Variants in WWOX observed in about 807,000 individuals in gnomAD.
WWOX encodes the protein WW domain-containing oxidoreductase.
Under a neutral mutation model 46.2 loss-of-function variants are expected in WWOX, and 69 were observed. The ratio of observed to expected loss-of-function variants is 1.49; its 90% CI spans 1.23 to 1.82. The LOEUF is 1.82. Ranked by LOEUF, WWOX falls within the 40% of genes most tolerant of loss-of-function variation. The pLI, the probability that WWOX is intolerant of heterozygous loss-of-function variation, is 0.00. For missense variants in WWOX, 919 were observed against 542.6 expected (o/e 1.69, Z -6.89); for synonymous variants, 359 against 202.6 (o/e 1.77, Z -6.56).
chr16:78,672,033 A>C (rs2047476972), intron 8 of WWOX, among the ~76,000 whole-genome samples: 1 of 152,202 alleles, frequency 6.6e-6, no homozygotes, highest in Non-Finnish European at 1.5e-5. Context: ...TTAAGAGTTA[A>C]GTATCACTTT....
intron 8 of WWOX, among the ~76,000 whole-genome samples, chr16:78,974,702 A>G (rs559459332): frequency 6.6e-6 from 1 of 152,194 alleles, no homozygotes; most frequent in Non-Finnish European, 1.5e-5. Flanking sequence ...AATGGTGTTT[A>G]CAGAGTTGCC....
intron 8 of WWOX, among the ~76,000 whole-genome samples, chr16:78,824,159 T>A (rs978160149): frequency 2.0e-5 from 3 of 152,340 alleles, no homozygotes; most frequent in African/African-American, 7.2e-5. Flanking sequence ...TTTTAAACGA[T>A]CTTTAGAAAT....
At chr16:78,713,221 C>G (rs2048481302) in intron 8 of WWOX, among the ~76,000 whole-genome samples, 2 of 129,590 alleles carry the variant, frequency 1.5e-5, no homozygotes, top group African/African-American at 6.1e-5. Flanking sequence ...CTGCAGTGAG[C>G]TGTGATTGTG....
intron 8 of WWOX, chr16:79,202,665 G>C (rs2051381682): frequency 6.6e-6 from 1 of 152,194 alleles, no homozygotes; most frequent in African/African-American, 2.4e-5. Flanking sequence ...TAAAGAGTTT[G>C]AGAGAGTTTT....
intron 5 of WWOX, among the ~76,000 whole-genome samples, chr16:78,319,347 C>G (rs756292839): frequency 2.5e-4 from 38 of 152,136 alleles, no homozygotes; most frequent in Admixed American, 1.3e-4. Flanking sequence ...TGCAGTGGCG[C>G]TATCATGGCT....
chr16:78,778,230 A>C (rs746041874), intron 8 of WWOX, among the ~76,000 whole-genome samples: 14 of 152,040 alleles, frequency 9.2e-5, no homozygotes, highest in Non-Finnish European at 2.1e-4. Context: ...TATTTCTTGA[A>C]TAACCTCCCA....
At chr16:78,305,924 G>C (rs1250636570) in intron 5 of WWOX, among the ~76,000 whole-genome samples, 1 of 151,772 alleles carries the variant, frequency 6.6e-6, no homozygotes, top group Non-Finnish European at 1.5e-5. Flanking sequence ...TCTTTTTTGA[G>C]TGAAGTGGTC....
At chr16:79,192,152 T>C (rs562747806) in intron 8 of WWOX, among the ~76,000 whole-genome samples, 48 of 152,356 alleles carry the variant, frequency 3.2e-4, no homozygotes, top group Non-Finnish European at 3.4e-4. Context: ...AGCTCTGCTC[T>C]CAGGACCAAA....
At chr16:78,334,087 C>A (rs1310221327) in intron 5 of WWOX, among the ~76,000 whole-genome samples, 2 of 152,144 alleles carry the variant, frequency 1.3e-5, no homozygotes, top group East Asian at 3.9e-4. Flanking sequence ...CATAAAGATG[C>A]AGATTTGATT....
chr16:78,847,095 T>C (rs2052319675), intron 8 of WWOX, among the ~76,000 whole-genome samples: 1 of 152,238 alleles, frequency 6.6e-6, no homozygotes, highest in African/African-American at 2.4e-5. Flanking sequence ...TAAGAGGCTT[T>C]ACACTGTCAT....
At position 78,422,760 on chromosome 16, in the gene WWOX, C is replaced by CATATATATACACACACAT. The variant is rs1597211800; in HGVS notation, c.606-2095_606-2094insCATATATATATACACACA. 4.4e-5 allele frequency among the ~76,000 whole-genome samples: 5 copies of CATATATATACACACACAT among 113,910 alleles called. No homozygotes were observed. The East Asian group carries it at 9.5e-4, about 22-fold the overall frequency. 74.7% of individuals were successfully genotyped at this position (113,910 alleles called of 152,430 possible). On this transcript the variant is annotated intron_variant, in intron 6 of 8. Coordinates refer to ENST00000566780, the MANE Select transcript of WWOX (RefSeq NM_016373.4). ...ACACATATATATACACATATATACA[C>CATATATATACACACACAT]ATATATATACACACATATATATATA...
chr16:78,589,164 G>A (rs202161273), intron 8 of WWOX, among the ~76,000 whole-genome samples: 34 of 152,304 alleles, frequency 2.2e-4, no homozygotes, highest in Admixed American at 1.4e-3. Flanking sequence ...GTTGGGATCC[G>A]GGGAGCATAT....
intron 8 of WWOX, among the ~76,000 whole-genome samples, chr16:78,659,354 G>C (rs534669866): frequency 6.6e-6 from 1 of 151,982 alleles, no homozygotes; most frequent in Non-Finnish European, 1.5e-5. Flanking sequence ...TCAAAGGCTC[G>C]TCCCCAAGCG....
At position 78,373,976 on chromosome 16, in the gene WWOX, G is replaced by A. The variant is rs370230260; in HGVS notation, c.517-12884G>A. Reference sequence around the variant, plus strand: ...CAATTTTTGTATTTTTAGTAGAGATGGAATTTCACCATGTTGGCCAGGCTG... The same window carrying A: ...CAATTTTTGTATTTTTAGTAGAGATAGAATTTCACCATGTTGGCCAGGCTG... On this transcript the variant is annotated intron_variant, in intron 5 of 8. Coordinates refer to ENST00000566780, the MANE Select transcript of WWOX (RefSeq NM_016373.4). Among the ~76,000 whole-genome samples, 173 of 152,228 alleles carry A rather than the reference G, an allele frequency of 1.1e-3. 3 individuals carry two copies. The South Asian group carries it at 0.034, about 30-fold the overall frequency.
intron 8 of WWOX, among the ~76,000 whole-genome samples, chr16:78,493,074 C>T (rs1436648512): frequency 2.0e-5 from 3 of 152,148 alleles, no homozygotes; most frequent in Non-Finnish European, 4.4e-5. Flanking sequence ...AGACTAGCCC[C>T]CTGTACAGCA....
intron 8 of WWOX, among the ~76,000 whole-genome samples, chr16:79,047,820 G>A (rs949054866): frequency 2.6e-5 from 4 of 151,688 alleles, no homozygotes; most frequent in South Asian, 2.1e-4. Flanking sequence ...GGACCATGAC[G>A]TGAGCAGATT....
intron 8 of WWOX, among the ~76,000 whole-genome samples, chr16:78,644,149 G>A (rs918971971): frequency 6.6e-6 from 1 of 152,136 alleles, no homozygotes; most frequent in Admixed American, 6.6e-5. Context: ...TTGAACCTGG[G>A]AGGTGGAGGT....
At chr16:78,248,996 ACAGG>A (rs2037906528) in intron 5 of WWOX, among the ~76,000 whole-genome samples, 1 of 151,130 alleles carries the variant, frequency 6.6e-6, no homozygotes, top group African/African-American at 2.4e-5. Flanking sequence ...AGCTGGGACT[ACAGG>A]CACGTGCCAC....
At position 78,118,618 on chromosome 16, in the gene WWOX, C is replaced by G. The variant is rs115842274; in HGVS notation, c.409+3464C>G. ...AATAATATGGCCCTTTGCTTGTTAC[C>G]AGAAGAGTCGCCCAGTTGTGGCAGA... On this transcript the variant is annotated intron_variant, in intron 4 of 8. Transcript: ENST00000566780. Among the ~76,000 whole-genome samples, 670 of 152,208 alleles carry G rather than the reference C, an allele frequency of 4.4e-3. 6 individuals carry two copies. The highest frequency in any genetic ancestry group is 0.015 in the African/African-American group (628 of 41,526).
Sources: gnomAD v4.1 joint callset for allele counts (sites outside exome capture counted in the v4.1 genomes callset) on GRCh38, gnomAD v4.1.1 for gene constraint, MANE v1.5 for transcripts, NCBI Gene and HGNC (gene_info 2026-07-23, HGNC 2026-07-21) for gene names.